The following CNTN5 variants were observed in gnomAD, a reference collection of about 807,000 sequenced individuals.
CNTN5 encodes the protein contactin 5, also known as contactin-5.
In CNTN5, 77 loss-of-function variants were observed where a neutral mutation model predicts 129.1. The observed-to-expected ratio is 0.60, with a 90% CI of 0.50 to 0.72. The LOEUF is 0.72. Ranked by LOEUF, CNTN5 falls within the 30% of genes least tolerant of loss-of-function variation. The pLI is 0.00. For missense variants in CNTN5, 1,478 were observed against 1,328.8 expected (o/e 1.11, Z -1.75); for synonymous variants, 509 against 465.6 (o/e 1.09, Z -1.20).
At chr11:99,460,222 T>C (rs1055084422) in intron 2 of CNTN5, among the ~76,000 whole-genome samples, 3 of 151,630 alleles carry the variant, frequency 2.0e-5, no homozygotes, top group South Asian at 4.1e-4. Context: ...ATTTCTTAAA[T>C]AGAAATTATC....
chr11:99,730,343 C>T (rs1289028825), intron 3 of CNTN5, among the ~76,000 whole-genome samples: 4 of 152,166 alleles, frequency 2.6e-5, no homozygotes, highest in Non-Finnish European at 5.9e-5. Context: ...GCAAACATCA[C>T]TTTTACCTGA....
chr11:99,165,201 G>C (rs779151962), intron 1 of CNTN5, among the ~76,000 whole-genome samples: 3 of 152,136 alleles, frequency 2.0e-5, no homozygotes, highest in Non-Finnish European at 4.4e-5. Flanking sequence ...TTCACATGTT[G>C]TTAAACCATT....
At chr11:99,783,755 G>T (rs538583336) in intron 3 of CNTN5, among the ~76,000 whole-genome samples, 2 of 150,010 alleles carry the variant, frequency 1.3e-5, no homozygotes, top group African/African-American at 2.5e-5. Flanking sequence ...TCACTCATAG[G>T]TGGGAATTGA....
At chr11:99,331,971 C>G (rs1489238277) in intron 2 of CNTN5, among the ~76,000 whole-genome samples, 1 of 152,048 alleles carries the variant, frequency 6.6e-6, no homozygotes, top group African/African-American at 2.4e-5. Flanking sequence ...ATAGAGTCAT[C>G]CCAGATGAAA....
At chr11:99,388,982 C>CTTTATTTTATT (rs955940702) in intron 2 of CNTN5, among the ~76,000 whole-genome samples, 2 of 120,380 alleles carry the variant, frequency 1.7e-5, no homozygotes, top group African/African-American at 6.2e-5. Flanking sequence ...TTCTCCAGTC[C>CTTTATTTTATT]TTATTTTATT....
intron 3 of CNTN5, among the ~76,000 whole-genome samples, chr11:99,612,079 A>G (rs1365093759): frequency 4.6e-5 from 7 of 152,210 alleles, no homozygotes; most frequent in Non-Finnish European, 7.3e-5. Flanking sequence ...ACTGATATGT[A>G]GGAGGCACTT....
chr11:100,111,005 C>CAA (rs5794036), intron 13 of CNTN5, among the ~76,000 whole-genome samples: 61,249 of 147,092 alleles, frequency 0.42, 13,646 homozygotes, highest in East Asian at 0.71. Flanking sequence ...AGTGTTAATG[C>CAA]AAAAAAAAAA....
At chr11:100,191,678 G>A (rs1321952522) in intron 14 of CNTN5, among the ~76,000 whole-genome samples, 4 of 151,914 alleles carry the variant, frequency 2.6e-5, no homozygotes, top group African/African-American at 9.7e-5. Flanking sequence ...ATGATGGAGG[G>A]GTGGTATAGG....
At chr11:99,660,560 G>A (rs1952558197) in intron 3 of CNTN5, among the ~76,000 whole-genome samples, 1 of 152,112 alleles carries the variant, frequency 6.6e-6, no homozygotes, top group Non-Finnish European at 1.5e-5. Flanking sequence ...GGTGATGACT[G>A]CCTGAATTAG....
chr11:100,332,854 C>T (rs992167638), intron 21 of CNTN5, among the ~76,000 whole-genome samples: 1 of 151,998 alleles, frequency 6.6e-6, no homozygotes, highest in Non-Finnish European at 1.5e-5. Flanking sequence ...ATGGGGAAAA[C>T]TCGAAACCAT....
Position 99,035,900 on chromosome 11 carries a change from G to A in CNTN5, c.-210+14630G>A, listed in dbSNP as rs531132687. Among the ~76,000 whole-genome samples the A allele has an allele frequency of 1.5e-4, 23 of 151,760 alleles. 2 individuals are homozygous for A. In the South Asian group the frequency reaches 2.3e-3, roughly 15 times the overall value. On this transcript the variant is annotated intron_variant, in intron 1 of 24. Transcript: ENST00000524871. ...TTACATTTTGGCATGATTTTGCAGC[G>A]GCTGGTACCAGTTGTTCCTTTCCAT...
intron 3 of CNTN5, among the ~76,000 whole-genome samples, chr11:99,813,862 A>G (rs978908514): frequency 6.6e-6 from 1 of 152,136 alleles, no homozygotes; most frequent in African/African-American, 2.4e-5. Flanking sequence ...TATCTTGGTA[A>G]TTTTTATCTT....
At chr11:99,835,171 A>G (rs1947263573) in intron 4 of CNTN5, among the ~76,000 whole-genome samples, 1 of 152,194 alleles carries the variant, frequency 6.6e-6, no homozygotes, top group Non-Finnish European at 1.5e-5. Flanking sequence ...ATCACTACCT[A>G]AAATTGGTTC....
rs114644329 is a variant in CNTN5 at position 99,200,764 on chromosome 11, A to C, written c.-209-124582A>C. Among the ~76,000 whole-genome samples, 641 of 152,290 alleles carry C rather than the reference A, an allele frequency of 4.2e-3. 6 individuals carry two copies. The highest frequency in any genetic ancestry group is 0.013 in the African/African-American group (543 of 41,554). On this transcript the variant is annotated intron_variant, in intron 1 of 24. Transcript: ENST00000524871. ...CTTTGGACAAACACTTCTATTATGC[A>C]TTCTACACAGTCCAATCAAGGATCC...
intron 13 of CNTN5, among the ~76,000 whole-genome samples, chr11:100,119,660 C>T (rs1945950762): frequency 6.6e-6 from 1 of 151,784 alleles, no homozygotes; most frequent in Admixed American, 6.6e-5. Context: ...AGGTTTCTTG[C>T]TGTGAGGACT....
intron 8 of CNTN5, among the ~76,000 whole-genome samples, chr11:99,983,952 A>G (rs989595812): frequency 6.6e-6 from 1 of 152,200 alleles, no homozygotes; most frequent in African/African-American, 2.4e-5. Context: ...AAGGCAGAAC[A>G]TGATTGGTAT....
At chr11:99,533,785 C>T (rs1244906677) in intron 2 of CNTN5, among the ~76,000 whole-genome samples, 9 of 152,212 alleles carry the variant, frequency 5.9e-5, no homozygotes, top group Admixed American at 2.6e-4. Flanking sequence ...TGGAGGGAAA[C>T]TATGGCCTCC....
At chr11:99,868,957 A>G (rs1948429228) in intron 6 of CNTN5, among the ~76,000 whole-genome samples, 1 of 152,226 alleles carries the variant, frequency 6.6e-6, no homozygotes, top group Non-Finnish European at 1.5e-5. Context: ...GACAGGCAAT[A>G]GCAGTGATTT....
intron 6 of CNTN5, among the ~76,000 whole-genome samples, chr11:99,905,748 G>T (rs1373004681): frequency 1.3e-5 from 2 of 152,096 alleles, no homozygotes; most frequent in Non-Finnish European, 2.9e-5. Flanking sequence ...CCATTTTCAT[G>T]ATATTGATTC....
Sources: allele counts gnomAD v4.1 joint callset (sites outside exome capture counted in the v4.1 genomes callset), GRCh38; gene constraint gnomAD v4.1.1; transcripts MANE v1.5; gene names NCBI Gene and HGNC (gene_info 2026-07-23, HGNC 2026-07-21).